WDR72: variants seen among roughly 807,000 people sequenced by gnomAD.
The protein encoded by WDR72 is WD repeat domain 72, also known as WD repeat-containing protein 72.
WDR72 carries 120 observed loss-of-function variants against 124.2 expected under a neutral mutation model. The ratio of observed to expected loss-of-function variants is 0.97; its 90% CI spans 0.83 to 1.12. The LOEUF (loss-of-function observed/expected upper bound fraction) is 1.12, where lower values mean the gene tolerates loss of function less well. Among genes scored for constraint, WDR72 ranks in the 50% most tolerant of loss-of-function variants. The pLI is 0.00. For synonymous variants in WDR72, 452 were observed against 441.7 expected (o/e 1.02, Z -0.29); for missense variants, 1,387 against 1,278.8 (o/e 1.08, Z -1.29).
intron 17 of WDR72, among the ~76,000 whole-genome samples, chr15:53,602,207 T>C (rs1440294822): frequency 2.0e-5 from 3 of 152,038 alleles, no homozygotes; most frequent in Non-Finnish European, 4.4e-5. Context: ...TACAATTACA[T>C]GGAAATTGAA....
At chr15:53,599,854 A>G (rs567831076) in intron 17 of WDR72, among the ~76,000 whole-genome samples, 2 of 152,294 alleles carry the variant, frequency 1.3e-5, no homozygotes, top group African/African-American at 4.8e-5. Flanking sequence ...TCATGACTTC[A>G]CTTTAACTGT....
chr15:53,592,783 A>ATAAGG (rs1555411613), intron 18 of WDR72, among the ~76,000 whole-genome samples: 1 of 151,978 alleles, frequency 6.6e-6, no homozygotes, highest in Admixed American at 6.6e-5. Flanking sequence ...AACATTCAAA[A>ATAAGG]TAAAGGGAAA....
At chr15:53,672,141 T>C (rs1015721066) in intron 13 of WDR72, among the ~76,000 whole-genome samples, 1 of 152,180 alleles carries the variant, frequency 6.6e-6, no homozygotes, top group Admixed American at 6.5e-5. Context: ...CTTCTACTGC[T>C]TCCTACCTAA....
chr15:53,710,617 T>C (rs1482796895), intron 9 of WDR72, among the ~76,000 whole-genome samples: 1 of 152,236 alleles, frequency 6.6e-6, no homozygotes, highest in Admixed American at 6.5e-5. Context: ...ATAATTTTCC[T>C]ATAATAAATA....
intron 14 of WDR72, among the ~76,000 whole-genome samples, chr15:53,641,256 G>C (rs1185802950): frequency 6.6e-6 from 1 of 151,944 alleles, no homozygotes; most frequent in East Asian, 1.9e-4. Context: ...CAAAGAGTAG[G>C]TTATGATATG....
At position 53,665,514 on chromosome 15, in the gene WDR72, A is replaced by G. The variant is rs926897785; in HGVS notation, c.1962+58T>C. On this transcript the variant is annotated intron_variant, in intron 14 of 19. Transcript: ENST00000360509. Reference sequence around the variant, plus strand: ...AAGTGCCATGTATTTATGAATGCATATAACTTCTTATTCGGTTGATAATGT... The same window carrying G: ...AAGTGCCATGTATTTATGAATGCATGTAACTTCTTATTCGGTTGATAATGT... The G allele has an allele frequency of 2.1e-5, 34 of 1,596,408 alleles. No homozygotes were observed. In the African/African-American group the frequency reaches 2.7e-4, roughly 13 times the overall value.
chr15:53,699,144 G>A (rs1043216248), intron 13 of WDR72, among the ~76,000 whole-genome samples: 1 of 152,050 alleles, frequency 6.6e-6, no homozygotes, highest in Non-Finnish European at 1.5e-5. Context: ...CCTGACTCAC[G>A]TTCATTAATT....
intron 17 of WDR72, among the ~76,000 whole-genome samples, chr15:53,599,270 A>C (rs887018214): frequency 2.0e-5 from 3 of 152,112 alleles, no homozygotes; most frequent in African/African-American, 7.2e-5. Flanking sequence ...ATTCATGATG[A>C]ACAATTTTAT....
chr15:53,590,473 C>CT (rs1268779665), intron 18 of WDR72, among the ~76,000 whole-genome samples: 5 of 152,024 alleles, frequency 3.3e-5, no homozygotes, highest in Admixed American at 6.6e-5. Context: ...TCTAGAGAAT[C>CT]TTTTTTTTCT....
chr15:53,737,588 T>G (rs945082144), intron 1 of WDR72, among the ~76,000 whole-genome samples: 5 of 152,056 alleles, frequency 3.3e-5, no homozygotes, highest in African/African-American at 9.7e-5. Context: ...AATGATTAAA[T>G]AAGTCATTCA....
chr15:53,581,323 A>G (rs1358345953), intron 18 of WDR72, among the ~76,000 whole-genome samples: 1 of 152,132 alleles, frequency 6.6e-6, no homozygotes, highest in Non-Finnish European at 1.5e-5. Context: ...CCAAAAGTTT[A>G]TATGACTGTC....
At chr15:53,619,682 C>T (rs1364603315) in intron 14 of WDR72, among the ~76,000 whole-genome samples, 1 of 152,000 alleles carries the variant, frequency 6.6e-6, no homozygotes, top group African/African-American at 2.4e-5. Flanking sequence ...CCTGGAAATT[C>T]TCTCTTTTAA....
chr15:53,549,648 A>G (rs530158572), intron 18 of WDR72, among the ~76,000 whole-genome samples: 1 of 152,268 alleles, frequency 6.6e-6, no homozygotes, highest in South Asian at 2.1e-4. Context: ...GGAGATCACT[A>G]AAGGAACATT....
chr15:53,604,594 C>T (rs1430263660), intron 17 of WDR72, among the ~76,000 whole-genome samples: 2 of 149,018 alleles, frequency 1.3e-5, no homozygotes, highest in Non-Finnish European at 3.0e-5. Context: ...TTACGAAAGT[C>T]TAACATCCAG....
chr15:53,515,079 G>GTGTATATATATATTTGTA lies in WDR72; in HGVS notation c.*2619_*2620insTACAAATATATATATACA. 1.6e-5 allele frequency: 1 copy of GTGTATATATATATTTGTA among 63,456 alleles called. No homozygotes were observed. The highest frequency in any genetic ancestry group is 5.1e-4 in the East Asian group (1 of 1,978). The allele number at this position is 63,456 out of a possible 1,614,324, so 3.9% of individuals were successfully genotyped here. ...TGTATATATATACACACATATATAT[G>GTGTATATATATATTTGTA]TATGTATACACACACACACACACAC... On this transcript the variant is annotated 3_prime_UTR_variant, in exon 20 of 20. Transcript: ENST00000360509.
At chr15:53,711,859 C>A (rs2017548927) in intron 7 of WDR72, among the ~76,000 whole-genome samples, 1 of 152,076 alleles carries the variant, frequency 6.6e-6, no homozygotes, top group African/African-American at 2.4e-5. Flanking sequence ...ACTTTTAAAT[C>A]TTTGTTCAAA....
chr15:53,739,626 G>A (rs2018453476), intron 1 of WDR72, among the ~76,000 whole-genome samples: 1 of 152,016 alleles, frequency 6.6e-6, no homozygotes, highest in South Asian at 2.1e-4. Context: ...GTAGTGAGAA[G>A]GACACACATG....
chr15:53,621,173 G>C (rs559494676), intron 14 of WDR72, among the ~76,000 whole-genome samples: 2 of 151,970 alleles, frequency 1.3e-5, no homozygotes, highest in South Asian at 4.1e-4. Context: ...TAAACAGGGA[G>C]TGCTTCTACA....
intron 18 of WDR72, among the ~76,000 whole-genome samples, chr15:53,567,874 CA>C (rs1894357956): frequency 1.3e-5 from 2 of 151,250 alleles, no homozygotes; most frequent in Admixed American, 6.6e-5. Flanking sequence ...TTTATTTTAT[CA>C]ACAGATAAAA....
Sources: gnomAD v4.1 joint callset for allele counts (sites outside exome capture counted in the v4.1 genomes callset) on GRCh38, gnomAD v4.1.1 for gene constraint, MANE v1.5 for transcripts, NCBI Gene and HGNC (gene_info 2026-07-23, HGNC 2026-07-21) for gene names.